PCDH15: variants seen among roughly 807,000 people sequenced by gnomAD.
PCDH15 encodes the protein protocadherin related 15.
PCDH15 carries 129 observed loss-of-function variants against 178.5 expected under a neutral mutation model. The observed-to-expected ratio is 0.72, with a 90% CI of 0.63 to 0.84. PCDH15 has a LOEUF of 0.84. Ranked by LOEUF, PCDH15 falls within the 40% of genes least tolerant of loss-of-function variation. PCDH15 has a pLI of 0.00. For missense variants in PCDH15, 2,230 were observed against 2,099.9 expected (o/e 1.06, Z -1.21); for synonymous variants, 800 against 732.0 (o/e 1.09, Z -1.50).
intron 20 of PCDH15, among the ~76,000 whole-genome samples, chr10:53,999,158 G>A (rs554042127): frequency 6.6e-6 from 1 of 152,174 alleles, no homozygotes; most frequent in African/African-American, 2.4e-5. Context: ...TAAGCCAATG[G>A]GCGGAATGAC....
chr10:55,062,052 T>C (rs1039857642), intron 2 of PCDH15, among the ~76,000 whole-genome samples: 8 of 151,986 alleles, frequency 5.3e-5, no homozygotes, highest in Non-Finnish European at 1.5e-5. Context: ...AAACAAAAGA[T>C]AAAAAAGAAA....
intron 2 of PCDH15, among the ~76,000 whole-genome samples, chr10:55,466,027 C>T (rs758195711): frequency 1.1e-4 from 16 of 152,252 alleles, no homozygotes; most frequent in Non-Finnish European, 2.1e-4. Context: ...TGAGCTCTGC[C>T]TTTCCTTAGA....
At chr10:55,212,052 C>T (rs933399195) in intron 1 of PCDH15, among the ~76,000 whole-genome samples, 9 of 152,054 alleles carry the variant, frequency 5.9e-5, no homozygotes, top group Admixed American at 3.9e-4. Context: ...AAAACAGCTA[C>T]CTGTGGGCCA....
chr10:53,833,254 A>G (rs1250727763), intron 29 of PCDH15, among the ~76,000 whole-genome samples: 1 of 152,010 alleles, frequency 6.6e-6, no homozygotes, highest in Non-Finnish European at 1.5e-5. Context: ...ATTCTATTGG[A>G]TTCCTGGATT....
At chr10:55,515,770 C>T (rs905830348) in intron 2 of PCDH15, among the ~76,000 whole-genome samples, 15 of 152,070 alleles carry the variant, frequency 9.9e-5, no homozygotes, top group Admixed American at 5.9e-4. Context: ...CGTGCATATC[C>T]TTATTCTAAT....
intron 1 of PCDH15, among the ~76,000 whole-genome samples, chr10:54,718,270 TAA>T (rs1210202249): frequency 2.6e-5 from 4 of 151,214 alleles, no homozygotes; most frequent in Admixed American, 2.0e-4. Context: ...ATAATAATAA[TAA>T]TAAAAAGAAA....
In PCDH15 at chr10:53,806,559, AAT is replaced by A; in HGVS notation, c.*18_*19del. The A allele has an allele frequency of 1.3e-6, 2 of 1,532,852 alleles. No individual in the cohort carries two copies. The highest frequency in any genetic ancestry group is 1.8e-6 in the Non-Finnish European group (2 of 1,133,370). 95.0% of individuals were successfully genotyped at this position (1,532,852 alleles called of 1,614,324 possible). On this transcript the variant is annotated 3_prime_UTR_variant, in exon 38 of 38. Coordinates refer to ENST00000644397, the MANE Select transcript of PCDH15 (RefSeq NM_001384140.1). ...AAAAATGTAAGTAAAAATTAATTAA[AAT>A]ATCTTTTAAAAAATTGGTCACAGTT... is the stretch of plus-strand genomic sequence containing the variant.
chr10:55,343,086 G>T (rs1348551979), intron 2 of PCDH15, among the ~76,000 whole-genome samples: 1 of 152,282 alleles, frequency 6.6e-6, no homozygotes, highest in Non-Finnish European at 1.5e-5. Flanking sequence ...ACCTGACAAA[G>T]TATCTTCCTG....
chr10:55,296,868 C>G (rs1471759256), intron 1 of PCDH15, among the ~76,000 whole-genome samples: 2 of 152,084 alleles, frequency 1.3e-5, no homozygotes, highest in Non-Finnish European at 2.9e-5. Context: ...CTCATATTGT[C>G]CCTTTGTACC....
chr10:55,396,433 T>C (rs1837930588), intron 2 of PCDH15, among the ~76,000 whole-genome samples: 1 of 152,220 alleles, frequency 6.6e-6, no homozygotes, highest in Non-Finnish European at 1.5e-5. Context: ...TTCAAAACTT[T>C]ATAGTGATAG....
chr10:54,426,119 CCT>C (rs1956243377), intron 3 of PCDH15, among the ~76,000 whole-genome samples: 1 of 152,106 alleles, frequency 6.6e-6, no homozygotes, highest in Non-Finnish European at 1.5e-5. Flanking sequence ...ATTCTTGTAT[CCT>C]CTCAGTTAAG....
intron 3 of PCDH15, among the ~76,000 whole-genome samples, chr10:54,446,354 G>C (rs1462487354): frequency 6.6e-6 from 1 of 151,414 alleles, no homozygotes; most frequent in Non-Finnish European, 1.5e-5. Context: ...ACTTTCTGTT[G>C]TGTCTCTAGA....
At chr10:54,258,143 A>C (rs1284367409) in intron 8 of PCDH15, among the ~76,000 whole-genome samples, 1 of 152,154 alleles carries the variant, frequency 6.6e-6, no homozygotes, top group East Asian at 1.9e-4. Flanking sequence ...GCCAGTGATG[A>C]AAAACTGGAG....
intron 18 of PCDH15, among the ~76,000 whole-genome samples, chr10:54,048,676 G>A (rs1337868027): frequency 6.6e-6 from 1 of 151,904 alleles, no homozygotes; most frequent in Non-Finnish European, 1.5e-5. Context: ...GCTTATTTTT[G>A]TTGACTTTAT....
intron 2 of PCDH15, among the ~76,000 whole-genome samples, chr10:55,349,230 C>G (rs1479592159): frequency 6.6e-6 from 1 of 152,088 alleles, no homozygotes; most frequent in Middle Eastern, 3.2e-3. Context: ...TCCCAGTGTC[C>G]TCTACCTTTC....
chr10:54,278,068 G>T (rs1440654982), intron 8 of PCDH15, among the ~76,000 whole-genome samples: 1 of 151,526 alleles, frequency 6.6e-6, no homozygotes, highest in South Asian at 2.1e-4. Context: ...ACAGCATATA[G>T]ATGACAGTAT....
chr10:54,533,743 C>T (rs112794301), intron 2 of PCDH15, among the ~76,000 whole-genome samples: 2,452 of 152,208 alleles, frequency 0.016, 69 homozygotes, highest in African/African-American at 0.055. Flanking sequence ...TTAACATAAT[C>T]ATTTAATTTA....
intron 28 of PCDH15, among the ~76,000 whole-genome samples, chr10:53,844,204 G>C (rs2077832799): frequency 6.6e-6 from 1 of 152,056 alleles, no homozygotes; most frequent in Non-Finnish European, 1.5e-5. Flanking sequence ...AGTGAGATAA[G>C]AATCTGTTGC....
chr10:54,310,363 T>G (rs1266611041), intron 8 of PCDH15, among the ~76,000 whole-genome samples: 1 of 152,044 alleles, frequency 6.6e-6, no homozygotes, highest in East Asian at 1.9e-4. Context: ...GAGTTTAGAG[T>G]ATGTCTTTAA....
Sources: allele counts gnomAD v4.1 joint callset (sites outside exome capture counted in the v4.1 genomes callset), GRCh38; gene constraint gnomAD v4.1.1; transcripts MANE v1.5; gene names NCBI Gene and HGNC (gene_info 2026-07-23, HGNC 2026-07-21).